The following ALK variants were observed in gnomAD, a reference collection of about 807,000 sequenced individuals.
ALK encodes the protein ALK tyrosine kinase receptor.
ALK carries 74 observed loss-of-function variants against 163.1 expected under a neutral mutation model. The ratio of observed to expected loss-of-function variants is 0.45; its 90% CI spans 0.38 to 0.55. The LOEUF (loss-of-function observed/expected upper bound fraction) is 0.55. Ranked by LOEUF, ALK falls within the 20% of genes least tolerant of loss-of-function variation. ALK has a pLI of 0.00. For synonymous variants in ALK, 960 were observed against 843.2 expected, an observed-to-expected ratio of 1.14 and a Z score of -2.40; for missense variants, 2,063 against 2,105.3, an observed-to-expected ratio of 0.98 and a Z score of 0.39.
intron 1 of ALK, among the ~76,000 whole-genome samples, chr2:29,826,010 C>A (rs1027443066): frequency 2.6e-5 from 4 of 152,136 alleles, no homozygotes; most frequent in Non-Finnish European, 4.4e-5. Context: ...TTGTGACTCT[C>A]TGAATGCTAA....
intron 4 of ALK, among the ~76,000 whole-genome samples, chr2:29,464,903 C>A (rs985742112): frequency 2.3e-4 from 35 of 151,984 alleles, no homozygotes; most frequent in Non-Finnish European, 4.7e-4. Context: ...TAGAAACCAT[C>A]CAAAATGAAG....
At chr2:29,431,924 TGTCCC>T (rs1168798382) in intron 4 of ALK, among the ~76,000 whole-genome samples, 3 of 152,008 alleles carry the variant, frequency 2.0e-5, no homozygotes, top group South Asian at 2.1e-4. Context: ...GAGAATATCC[TGTCCC>T]GTCCCGTCCC....
Position 29,227,647 on chromosome 2 carries a change from G to C in ALK, c.2841C>G (p.Asp947Glu). Residue 947 changes from aspartate to glutamate, a missense_variant, in exon 17 of 29, where the codon GAC becomes GAG. Asp to Glu is a conservative substitution (Grantham distance 45). This residue lies in a region of ALK where 575 missense variants were observed against 626.6 expected (regional missense o/e 0.92). Coordinates refer to ENST00000389048, the MANE Select transcript of ALK (RefSeq NM_004304.5). The surrounding 1 kb of genome is among the most constrained non-coding windows in gnomAD (Gnocchi z 4.4). ...CCCCATCTTCCCCATCCATTTCGGG[G>C]TCATTGTTTGAGGCTGCATTGCCGC... ...YIGGNAASNNDPEMDGEDGVS... is the reference protein window; with the variant it reads ...YIGGNAASNNEPEMDGEDGVS... 2.5e-6 allele frequency: 4 copies of C among 1,614,022 alleles called. No homozygotes were observed. The highest frequency in any genetic ancestry group is 3.4e-6 in the Non-Finnish European group (4 of 1,180,040).
At chr2:29,679,171 A>G (rs1677985038) in intron 3 of ALK, among the ~76,000 whole-genome samples, 1 of 151,534 alleles carries the variant, frequency 6.6e-6, no homozygotes. Flanking sequence ...TAATACAACC[A>G]CTCCAGCTTT....
At chr2:29,511,160 G>A (rs1384366491) in intron 4 of ALK, among the ~76,000 whole-genome samples, 1 of 152,078 alleles carries the variant, frequency 6.6e-6, no homozygotes, top group East Asian at 1.9e-4. Context: ...TCCATTTAAA[G>A]TGTACAGGTT....
At chr2:29,507,168 A>G (rs1294302408) in intron 4 of ALK, among the ~76,000 whole-genome samples, 2 of 152,248 alleles carry the variant, frequency 1.3e-5, no homozygotes, top group East Asian at 3.8e-4. Context: ...TGTGGTATAT[A>G]CATACAATGG....
chr2:29,269,941 G>A (rs539712344), intron 11 of ALK, among the ~76,000 whole-genome samples: 117 of 152,348 alleles, frequency 7.7e-4, no homozygotes, highest in Non-Finnish European at 1.5e-3. Context: ...CTGGGGCACC[G>A]TCTTGAATGT....
At chr2:29,595,865 C>G (rs1394610608) in intron 3 of ALK, among the ~76,000 whole-genome samples, 1 of 152,162 alleles carries the variant, frequency 6.6e-6, no homozygotes, top group African/African-American at 2.4e-5. Context: ...TGAGAGAATT[C>G]CAGGACTGAA....
chr2:29,672,975 CT>C (rs1677752086), intron 3 of ALK, among the ~76,000 whole-genome samples: 1 of 129,484 alleles, frequency 7.7e-6, no homozygotes, highest in Non-Finnish European at 1.6e-5. Context: ...TAAATGTCTT[CT>C]TTTGAGAAGT....
At chr2:29,441,899 G>T (rs1385791343) in intron 4 of ALK, among the ~76,000 whole-genome samples, 2 of 152,178 alleles carry the variant, frequency 1.3e-5, no homozygotes, top group Non-Finnish European at 2.9e-5. Context: ...AGAGTAAAAA[G>T]TTATGATCAT....
chr2:29,899,101 C>G (rs1232390046), intron 1 of ALK, among the ~76,000 whole-genome samples: 1 of 152,168 alleles, frequency 6.6e-6, no homozygotes, highest in Non-Finnish European at 1.5e-5. Flanking sequence ...TGCAAATTCT[C>G]AGGCCCTACC....
chr2:29,788,181 TG>T (rs1664092581), intron 1 of ALK, among the ~76,000 whole-genome samples: 1 of 152,162 alleles, frequency 6.6e-6, no homozygotes, highest in Non-Finnish European at 1.5e-5. Context: ...GTAGTACAGC[TG>T]GTTAGATTAA....
chr2:29,527,437 T>C (rs567169069), intron 4 of ALK, among the ~76,000 whole-genome samples: 11 of 152,280 alleles, frequency 7.2e-5, no homozygotes, highest in African/African-American at 2.2e-4. Flanking sequence ...GCTGGGCAGC[T>C]GGGAAACAGA....
intron 5 of ALK, among the ~76,000 whole-genome samples, chr2:29,355,602 C>G (rs559105464): frequency 6.6e-6 from 1 of 152,214 alleles, no homozygotes; most frequent in African/African-American, 2.4e-5. Flanking sequence ...CTAGCAGTAA[C>G]TGAATGGCTG....
intron 6 of ALK, among the ~76,000 whole-genome samples, chr2:29,322,791 G>A (rs112250106): frequency 7.2e-5 from 11 of 152,336 alleles, no homozygotes; most frequent in African/African-American, 2.6e-4. Flanking sequence ...CCAAGATTGT[G>A]CCACTGCACT....
intron 12 of ALK, among the ~76,000 whole-genome samples, chr2:29,249,901 C>T (rs183555429): frequency 6.6e-6 from 1 of 152,310 alleles, no homozygotes; most frequent in East Asian, 1.9e-4. Flanking sequence ...AGCCAAATCT[C>T]GTTATAGCAT....
chr2:29,247,698 C>T (rs1028343413), intron 12 of ALK, among the ~76,000 whole-genome samples: 29 of 152,178 alleles, frequency 1.9e-4, no homozygotes, highest in Non-Finnish European at 1.5e-4. Flanking sequence ...GGTGGCCCCC[C>T]CTTGGCATGA....
intron 5 of ALK, among the ~76,000 whole-genome samples, chr2:29,352,574 A>T (rs1207946948): frequency 6.6e-6 from 1 of 152,258 alleles, no homozygotes; most frequent in Non-Finnish European, 1.5e-5. Context: ...ACATCCAATT[A>T]TCTGGGAAAA....
chr2:29,393,417 T>C lies in ALK; in HGVS notation c.1155-9558A>G, dbSNP rs993064942. ...AAAACTAGAATGGTTATTCTCTCCC[T>C]GCTGCCTTGAAGACCTTCATTCCAT... On this transcript the variant is annotated intron_variant, in intron 4 of 28. Coordinates refer to ENST00000389048, the MANE Select transcript of ALK (RefSeq NM_004304.5). Among the ~76,000 whole-genome samples the C allele has an allele frequency of 2.6e-5, 4 of 152,318 alleles. No individual in the cohort carries two copies. The East Asian group carries it at 7.7e-4, about 29-fold the overall frequency.
Sources: gnomAD v4.1 joint callset for allele counts (sites outside exome capture counted in the v4.1 genomes callset) on GRCh38, gnomAD v4.1.1 for gene constraint, gnomAD v4.1.1 regional missense constraint, Gnocchi (gnomAD v3.1) non-coding constraint, MANE v1.5 for transcripts, NCBI Gene and HGNC (gene_info 2026-07-23, HGNC 2026-07-21) for gene names.